ARID4A: variants seen among roughly 807,000 people sequenced by gnomAD.
ARID4A encodes AT-rich interaction domain 4A, also known as AT-rich interactive domain-containing protein 4A.
Under a neutral mutation model 148.6 loss-of-function variants are expected in ARID4A, and 39 were observed. The observed-to-expected ratio is 0.26, with a 90% CI of 0.20 to 0.34. ARID4A has a LOEUF of 0.34. ARID4A is among the 10% of genes least tolerant of loss of function. The pLI, the probability that ARID4A is intolerant of heterozygous loss-of-function variation, is 1.00. For synonymous variants in ARID4A, 475 were observed against 481.2 expected, an observed-to-expected ratio of 0.99 and a Z score of 0.17; for missense variants, 1,265 against 1,449.1, an observed-to-expected ratio of 0.87 and a Z score of 2.06.
Position 58,356,903 on chromosome 14 carries a change from T to C in ARID4A, c.1854-2229T>C, listed in dbSNP as rs191740261. 5.6e-3 allele frequency among the ~76,000 whole-genome samples: 854 copies of C among 152,206 alleles called. 14 individuals carry two copies. Among genetic ancestry groups the C allele is most frequent in the Non-Finnish European group, 5.2e-3 (356 of 68,000 alleles). ...TTTTAGTAGAGACAGGGTTTCACCA[T>C]GTTGGCCAGGATGGTCTCGATTTCT... is the stretch of plus-strand genomic sequence containing the variant. On this transcript the variant is annotated intron_variant, in intron 17 of 23. Transcript: ENST00000355431.
chr14:58,352,495 A>C (rs910951739), intron 16 of ARID4A, among the ~76,000 whole-genome samples: 6 of 152,340 alleles, frequency 3.9e-5, no homozygotes, highest in African/African-American at 1.4e-4. Flanking sequence ...AATGTGATTT[A>C]AAAAGACTGT....
intron 11 of ARID4A, among the ~76,000 whole-genome samples, chr14:58,331,791 T>A (rs1245829009): frequency 1.3e-5 from 2 of 152,182 alleles, no homozygotes; most frequent in Admixed American, 6.5e-5. Flanking sequence ...ATTTTTGTAT[T>A]TTATCTGTAT....
intron 11 of ARID4A, among the ~76,000 whole-genome samples, chr14:58,331,727 G>T (rs1280950100): frequency 1.3e-5 from 2 of 152,138 alleles, no homozygotes; most frequent in Admixed American, 1.3e-4. Flanking sequence ...AAATGAAAAT[G>T]ATAATGAGAC....
chr14:58,319,521 C>G (rs1207212005), intron 7 of ARID4A, among the ~76,000 whole-genome samples: 2 of 62,044 alleles, frequency 3.2e-5, no homozygotes, highest in Non-Finnish European at 5.9e-5. Context: ...TCTATATACT[C>G]TTTTTTTTTT....
intron 8 of ARID4A, among the ~76,000 whole-genome samples, chr14:58,326,622 CA>C (rs2033228570): frequency 6.6e-6 from 1 of 152,020 alleles, no homozygotes; most frequent in African/African-American, 2.4e-5. Context: ...GAGAATTTTC[CA>C]AAAGAGTGTT....
At chr14:58,321,252 C>A (rs1272915275) in intron 7 of ARID4A, among the ~76,000 whole-genome samples, 1 of 152,122 alleles carries the variant, frequency 6.6e-6, no homozygotes, top group African/African-American at 2.4e-5. Flanking sequence ...ATAATTCTTG[C>A]CTGAATCAGT....
chr14:58,328,790 C>T (rs1047406385), intron 9 of ARID4A, among the ~76,000 whole-genome samples: 1 of 151,890 alleles, frequency 6.6e-6, no homozygotes, highest in African/African-American at 2.4e-5. Flanking sequence ...CTCAGGAGAT[C>T]GAGACCATTC....
At chr14:58,334,341 A>C (rs550036185) in intron 11 of ARID4A, among the ~76,000 whole-genome samples, 12 of 152,188 alleles carry the variant, frequency 7.9e-5, no homozygotes, top group Non-Finnish European at 1.3e-4. Flanking sequence ...TAACTGATAA[A>C]ATACAAGAAT....
At chr14:58,353,466 A>G in intron 16 of ARID4A, 192 bp from the exon 17 acceptor site, 2 of 535,004 alleles carry the variant, frequency 3.7e-6, no homozygotes, top group Admixed American at 6.9e-5. Flanking sequence ...GGTACAGTGC[A>G]CCTTTACATA....
chr14:58,343,478 G>A (rs961582752), intron 11 of ARID4A, among the ~76,000 whole-genome samples: 3 of 152,102 alleles, frequency 2.0e-5, no homozygotes, highest in African/African-American at 4.8e-5. Flanking sequence ...TCTGGACACC[G>A]AAGACTCAAC....
chr14:58,366,232 T>TA lies in ARID4A; in HGVS notation c.3523+4dup. 6.2e-7 allele frequency: 1 copy of TA among 1,608,218 alleles called. No individual in the cohort carries two copies. Among genetic ancestry groups the TA allele is most frequent in the Non-Finnish European group, 8.5e-7 (1 of 1,175,436 alleles). On this transcript the variant is annotated splice_region_variant and intron_variant, in intron 22 of 23. Transcript: ENST00000355431. Reference sequence around the variant, plus strand: ...CATATAAATGGAGCTTTCAGCTCAGTAAGAAGCTTATAGAAAACTTGATAG... The same window carrying TA: ...CATATAAATGGAGCTTTCAGCTCAGTAAAGAAGCTTATAGAAAACTTGATAG...
Position 58,324,957 on chromosome 14 carries a change from T to C in ARID4A, c.582+1340T>C, listed in dbSNP as rs1464348933. ...TACATAGTTATTAAAGATTGTATAG[T>C]AAATTAAAAAAAACAATTTGGTACT... On this transcript the variant is annotated intron_variant, in intron 8 of 23. Coordinates refer to ENST00000355431, the MANE Select transcript of ARID4A (RefSeq NM_002892.4). Among the ~76,000 whole-genome samples the C allele has an allele frequency of 3.9e-5, 6 of 152,240 alleles. No homozygotes were observed. The East Asian group carries it at 9.6e-4, about 24-fold the overall frequency.
At chr14:58,303,435 A>G in intron 3 of ARID4A, 1 of 439,438 alleles carries the variant, frequency 2.3e-6, no homozygotes. Flanking sequence ...GGTCTTCCAG[A>G]TTTTTTTTAC....
Position 58,353,676 on chromosome 14 carries a change from A to G in ARID4A, c.1674A>G (p.Lys558=). 1 of 1,614,026 alleles carries G rather than the reference A, an allele frequency of 6.2e-7. No homozygotes were observed. Among genetic ancestry groups the G allele is most frequent in the Non-Finnish European group, 8.5e-7 (1 of 1,179,956 alleles). The change falls in exon 17 of 24, where the codon AAA becomes AAG. Residue 558 remains lysine (K), a synonymous_variant. Coordinates refer to ENST00000355431, the MANE Select transcript of ARID4A (RefSeq NM_002892.4). ...KSQEREETES[K]CDSEGEEDEE... is the part of the protein sequence containing the mutation. ...ACTGCAGGGAAGAAACTGAAAGCAAATGTGACTCTGAAGGAGAGGAAGATG... is the reference window on the plus strand; with the variant it reads ...ACTGCAGGGAAGAAACTGAAAGCAAGTGTGACTCTGAAGGAGAGGAAGATG...
chr14:58,358,058 T>C (rs2140255899), intron 17 of ARID4A, among the ~76,000 whole-genome samples: 1 of 151,642 alleles, frequency 6.6e-6, no homozygotes, highest in Non-Finnish European at 1.5e-5. Context: ...AAAAATTAGC[T>C]TGGTGCAATG....
chr14:58,305,135 G>A (rs1272553376), intron 4 of ARID4A, 126 bp downstream of exon 4: 7 of 713,130 alleles, frequency 9.8e-6, no homozygotes, highest in Non-Finnish European at 1.6e-5. Context: ...ACATATGAAG[G>A]GTTTAAATAT....
In ARID4A at chr14:58,323,494, TGAAAA is replaced by T; in HGVS notation, c.461_465del (p.Glu154GlyfsTer6). The T allele has an allele frequency of 6.2e-7, 1 of 1,610,464 alleles. No homozygotes were observed. The highest frequency in any genetic ancestry group is 8.5e-7 in the Non-Finnish European group (1 of 1,176,748). On this transcript the variant is annotated frameshift_variant, in exon 8 of 24. Transcript: ENST00000355431. LOFTEE classifies it high-confidence loss of function. Reference sequence around the variant, plus strand: ...TTATTCTAACTTTTAGTACTGAAGATGAAAAGGAAGAAGAAAGCAGTGAAGAGGAA... The same window carrying T: ...TTATTCTAACTTTTAGTACTGAAGATGGAAGAAGAAAGCAGTGAAGAGGAA...
chr14:58,330,178 A>T lies in ARID4A; in HGVS notation c.906+9A>T. On this transcript the variant is annotated intron_variant, in intron 11 of 23. Transcript: ENST00000355431. Reference sequence around the variant, plus strand: ...AGACAGAAGAAGAGGTGGTAGGTGTAATTTCATGTTTGTAACAAAAACATC... The same window carrying T: ...AGACAGAAGAAGAGGTGGTAGGTGTTATTTCATGTTTGTAACAAAAACATC... 2.5e-6 allele frequency: 4 copies of T among 1,603,648 alleles called. No homozygotes were observed. The highest frequency in any genetic ancestry group is 3.4e-6 in the Non-Finnish European group (4 of 1,177,632).
intron 7 of ARID4A, among the ~76,000 whole-genome samples, chr14:58,321,956 G>A (rs911155830): frequency 7.7e-6 from 1 of 130,240 alleles, no homozygotes; most frequent in African/African-American, 3.3e-5. Context: ...TGTTGTTGTT[G>A]TTTTTTTTGG....
Sources: gnomAD v4.1 joint callset for allele counts (sites outside exome capture counted in the v4.1 genomes callset) on GRCh38, gnomAD v4.1.1 for gene constraint, MANE v1.5 for transcripts, NCBI Gene and HGNC (gene_info 2026-07-23, HGNC 2026-07-21) for gene names.